TBC1D19: variants seen among roughly 807,000 people sequenced by gnomAD.
TBC1D19 encodes the protein TBC1 domain family member 19, also known as TBC1 domain family, member 19.
In TBC1D19, 60 loss-of-function variants were observed where a neutral mutation model predicts 89.0. That is an observed-to-expected ratio of 0.67 (90% confidence interval 0.55 to 0.84). The LOEUF (loss-of-function observed/expected upper bound fraction) is 0.84, where lower values mean the gene tolerates loss of function less well. TBC1D19 is among the 40% of genes least tolerant of loss of function. The probability of loss-of-function intolerance (pLI) is 0.00; values close to 1 mark genes in which losing one functional copy is unlikely to be tolerated. For missense variants in TBC1D19, 500 were observed against 610.8 expected, an observed-to-expected ratio of 0.82 and a Z score of 1.91; for synonymous variants, 189 against 199.7, an observed-to-expected ratio of 0.95 and a Z score of 0.45.
the TBC1D19 span, among the ~76,000 whole-genome samples, chr4:26,765,547 C>T: frequency 9.2e-5 from 14 of 151,972 alleles, no homozygotes; most frequent in South Asian, 2.1e-4. Flanking sequence ...GTAATTGATG[C>T]CTAGAGAGTA....
chr4:26,843,627 G>C, the TBC1D19 span, among the ~76,000 whole-genome samples: 4 of 151,668 alleles, frequency 2.6e-5, no homozygotes, highest in African/African-American at 9.7e-5. Flanking sequence ...GTTAAAAACA[G>C]AATCATATAA....
intron 11 of TBC1D19, among the ~76,000 whole-genome samples, chr4:26,676,057 GAC>G (rs1382017816): frequency 6.6e-6 from 1 of 152,100 alleles, no homozygotes; most frequent in Non-Finnish European, 1.5e-5. Flanking sequence ...CTAAATTAAA[GAC>G]AGAAAATGTT....
At chr4:26,761,737 T>C in the TBC1D19 span, among the ~76,000 whole-genome samples, 1 of 152,210 alleles carries the variant, frequency 6.6e-6, no homozygotes, top group South Asian at 2.1e-4. Flanking sequence ...GTGTTGCAGC[T>C]CACCTAATTT....
At chr4:26,810,998 T>C in the TBC1D19 span, among the ~76,000 whole-genome samples, 1 of 152,202 alleles carries the variant, frequency 6.6e-6, no homozygotes, top group African/African-American at 2.4e-5. Context: ...AGCAATCCCA[T>C]TACTGGGTAT....
the TBC1D19 span, among the ~76,000 whole-genome samples, chr4:26,851,664 C>T: frequency 1.3e-5 from 2 of 152,178 alleles, no homozygotes; most frequent in African/African-American, 4.8e-5. Flanking sequence ...TACAGTATTT[C>T]TATGAGTAGT....
intron 1 of TBC1D19, among the ~76,000 whole-genome samples, chr4:26,603,422 T>C (rs777584956): frequency 1.4e-4 from 21 of 152,228 alleles, no homozygotes; most frequent in Non-Finnish European, 2.6e-4. Context: ...AGTTTATTGA[T>C]GGTCAGATTC....
At chr4:26,822,262 C>T in the TBC1D19 span, among the ~76,000 whole-genome samples, 1 of 152,238 alleles carries the variant, frequency 6.6e-6, no homozygotes, top group Admixed American at 6.5e-5. Flanking sequence ...GAAAAGAAAA[C>T]ATCTCCTTCC....
intron 18 of TBC1D19, among the ~76,000 whole-genome samples, chr4:26,746,999 G>A (rs903043866): frequency 3.9e-5 from 6 of 152,270 alleles, no homozygotes; most frequent in Admixed American, 1.3e-4. Flanking sequence ...GGGACCGTGC[G>A]AGCTTTCACC....
the TBC1D19 span, among the ~76,000 whole-genome samples, chr4:26,815,316 A>G: frequency 6.6e-6 from 1 of 152,214 alleles, no homozygotes; most frequent in Non-Finnish European, 1.5e-5. Flanking sequence ...GGAGCTGGCC[A>G]TTCTAGCATT....
chr4:26,596,209 G>A (rs183940151), intron 1 of TBC1D19, among the ~76,000 whole-genome samples: 3 of 152,128 alleles, frequency 2.0e-5, no homozygotes, highest in African/African-American at 4.8e-5. Flanking sequence ...CATCTGCCTC[G>A]GCCTCCCATA....
chr4:26,799,902 GAGATCAGAT>G, the TBC1D19 span, among the ~76,000 whole-genome samples: 1 of 152,174 alleles, frequency 6.6e-6, no homozygotes, highest in African/African-American at 2.4e-5. Flanking sequence ...TGTCAACTCA[GAGATCAGAT>G]AGAGGGTGAA....
chr4:26,601,141 A>T (rs1021053514), intron 1 of TBC1D19, among the ~76,000 whole-genome samples: 1 of 151,708 alleles, frequency 6.6e-6, no homozygotes, highest in African/African-American at 2.4e-5. Context: ...CTATATATAT[A>T]TATACATATA....
intron 9 of TBC1D19, among the ~76,000 whole-genome samples, chr4:26,667,859 T>A (rs1366623459): frequency 6.6e-6 from 1 of 152,004 alleles, no homozygotes; most frequent in Non-Finnish European, 1.5e-5. Context: ...TGTGTGAGAG[T>A]CGTAGTTTTG....
rs758503442 is a variant in TBC1D19, at chr4:26,717,951, C to T, written c.973C>T (p.Arg325Trp). 2.0e-5 allele frequency: 33 copies of T among 1,610,892 alleles called. No homozygotes were observed. Among genetic ancestry groups the T allele is most frequent in the East Asian group, 6.7e-5 (3 of 44,814 alleles). ...YLYQVLLCFSRDTSVLSHFAF... is the reference protein window; with the variant it reads ...YLYQVLLCFSWDTSVLSHFAF... ...TATTCAGGTATTACTTTGTTTTTCC[C>T]GGGATACATCTGTGTTGAGTCACTT... Residue 325 changes from arginine (R) to tryptophan (W), a missense_variant, in exon 14 of 21, where the codon CGG (arginine) becomes TGG (tryptophan). Coordinates refer to ENST00000264866, the MANE Select transcript of TBC1D19 (RefSeq NM_018317.4).
chr4:26,731,997 G>A (rs139462385), intron 15 of TBC1D19, among the ~76,000 whole-genome samples: 60 of 152,024 alleles, frequency 3.9e-4, no homozygotes, highest in African/African-American at 1.4e-3. Context: ...AGTAGGGTCC[G>A]GGAAAAAAAA....
In TBC1D19 at chr4:26,609,828, C is replaced by T. The variant is rs115731126; in HGVS notation, c.100-3341C>T. On this transcript the variant is annotated intron_variant, in intron 1 of 20. Coordinates refer to ENST00000264866, the MANE Select transcript of TBC1D19 (RefSeq NM_018317.4). ...ATTCATTCGATAATCATTTATTGAG[C>T]ACCTACTGTGTGAAAACAACTTAGG... Among the ~76,000 whole-genome samples, 1,342 of 152,204 alleles carry T rather than the reference C, an allele frequency of 8.8e-3. 8 individuals are homozygous for T. Among genetic ancestry groups the T allele is most frequent in the Middle Eastern group, 0.051 (15 of 294 alleles).
intron 7 of TBC1D19, among the ~76,000 whole-genome samples, chr4:26,648,725 A>T (rs1249213825): frequency 1.3e-5 from 2 of 152,200 alleles, no homozygotes. Flanking sequence ...TTAGTAAAAA[A>T]CTGCCTTTAT....
At chr4:26,793,088 A>G in the TBC1D19 span, among the ~76,000 whole-genome samples, 1 of 152,186 alleles carries the variant, frequency 6.6e-6, no homozygotes, top group Non-Finnish European at 1.5e-5. Context: ...GAAGACTTGG[A>G]GGACCAAGTA....
At chr4:26,780,137 A>T in the TBC1D19 span, among the ~76,000 whole-genome samples, 1 of 152,236 alleles carries the variant, frequency 6.6e-6, no homozygotes, top group Non-Finnish European at 1.5e-5. Context: ...TCTAGCTTTG[A>T]CAGGAAAGAA....
Sources: allele counts gnomAD v4.1 joint callset (sites outside exome capture counted in the v4.1 genomes callset), GRCh38; gene constraint gnomAD v4.1.1; transcripts MANE v1.5; gene names NCBI Gene and HGNC (gene_info 2026-07-23, HGNC 2026-07-21).